PCDH15: variants seen among roughly 807,000 people sequenced by gnomAD.
PCDH15 encodes the protein protocadherin-15.
A neutral mutation model predicts 178.5 loss-of-function variants in PCDH15; 129 were observed. That is an observed-to-expected ratio of 0.72 (90% CI 0.63 to 0.84). PCDH15 has a LOEUF of 0.84. Among genes scored for constraint, PCDH15 ranks in the 40% least tolerant of loss-of-function variants. The pLI, the probability that PCDH15 is intolerant of heterozygous loss-of-function variation, is 0.00. For synonymous variants in PCDH15, 800 were observed against 732.0 expected, an observed-to-expected ratio of 1.09 and a Z score of -1.50; for missense variants, 2,230 against 2,099.9, an observed-to-expected ratio of 1.06 and a Z score of -1.21.
chr10:55,435,662 A>G (rs1839021004), intron 2 of PCDH15, among the ~76,000 whole-genome samples: 1 of 152,166 alleles, frequency 6.6e-6, no homozygotes, highest in Non-Finnish European at 1.5e-5. Flanking sequence ...ATGGGAAAAA[A>G]AGTGGAAAAC....
At chr10:54,423,173 AT>A (rs1955772897) in intron 3 of PCDH15, among the ~76,000 whole-genome samples, 2 of 152,140 alleles carry the variant, frequency 1.3e-5, no homozygotes, top group Admixed American at 1.3e-4. Flanking sequence ...ACCAGGCCAT[AT>A]TTACAGTCAG....
At position 54,651,555 on chromosome 10, in the gene PCDH15, A is replaced by G. The variant is rs568647508; in HGVS notation, c.91+12617T>C. Among the ~76,000 whole-genome samples, 11 of 152,308 alleles carry G rather than the reference A, an allele frequency of 7.2e-5. No individual in the cohort carries two copies. The South Asian group carries it at 8.3e-4, about 11-fold the overall frequency. On this transcript the variant is annotated intron_variant, in intron 2 of 37. Coordinates refer to ENST00000644397, the MANE Select transcript of PCDH15 (RefSeq NM_001384140.1). Reference sequence around the variant, plus strand: ...CTTTAAATCCATGGGGGAATGTATTATCTCACTTTCATGGTGCACATCTAT... The same window carrying G: ...CTTTAAATCCATGGGGGAATGTATTGTCTCACTTTCATGGTGCACATCTAT...
chr10:54,782,774 T>G (rs1448315057), intron 1 of PCDH15, among the ~76,000 whole-genome samples: 1 of 152,034 alleles, frequency 6.6e-6, no homozygotes, highest in Non-Finnish European at 1.5e-5. Flanking sequence ...ACAGGAGAGC[T>G]GGCCAGCCCA....
intron 6 of PCDH15, among the ~76,000 whole-genome samples, chr10:54,333,071 T>C (rs554579327): frequency 4.6e-5 from 7 of 152,024 alleles, no homozygotes; most frequent in South Asian, 4.1e-4. Flanking sequence ...AGCCTCTGAG[T>C]AGATAGGACT....
intron 3 of PCDH15, among the ~76,000 whole-genome samples, chr10:54,865,088 C>G (rs907813366): frequency 6.6e-6 from 1 of 152,032 alleles, no homozygotes; most frequent in Non-Finnish European, 1.5e-5. Context: ...ACCTAGATAG[C>G]TGGTAAAGTA....
rs796554869 is a variant in PCDH15, at chr10:54,923,910, C to T, written c.-79-26410G>A. ...CCATTACCCAGTTCAAAAGATGCTTCCACATTTTCAGGTATCTTTATAACA... is the reference window on the plus strand; with the variant it reads ...CCATTACCCAGTTCAAAAGATGCTTTCACATTTTCAGGTATCTTTATAACA... On this transcript the variant is annotated intron_variant, in intron 2 of 5. Transcript: ENST00000458638. Among the ~76,000 whole-genome samples the T allele has an allele frequency of 2.1e-4, 29 of 138,068 alleles. 1 individual carries two copies. The highest frequency in any genetic ancestry group is 7.2e-4 in the African/African-American group (29 of 40,000). 90.6% of individuals were successfully genotyped at this position (138,068 alleles called of 152,430 possible). A position where few individuals can be genotyped will look rare whatever the true frequency, so the allele number is the denominator to read the frequency against.
chr10:53,988,852 G>A (rs2095112051), intron 21 of PCDH15, among the ~76,000 whole-genome samples: 1 of 152,050 alleles, frequency 6.6e-6, no homozygotes, highest in South Asian at 2.1e-4. Flanking sequence ...GTGAATTATT[G>A]ATACTGTTAA....
intron 30 of PCDH15, 174 bp downstream of exon 30, chr10:53,831,141 T>C: frequency 1.3e-6 from 1 of 780,640 alleles, no homozygotes; most frequent in Non-Finnish European, 2.3e-6. Flanking sequence ...TACTGGGAGT[T>C]TGTACTGTTT....
chr10:54,731,545 G>GATATATATATATATATATATAT lies in PCDH15; in HGVS notation c.-28-67256_-28-67255insATATATATATATATATATATAT, dbSNP rs1167781763. Among the ~76,000 whole-genome samples the GATATATATATATATATATATAT allele has an allele frequency of 2.3e-3, 181 of 80,216 alleles. 1 individual carries two copies. The highest frequency in any genetic ancestry group is 6.7e-3 in the African/African-American group (141 of 21,196). The allele number at this position is 80,216 out of a possible 152,430, so 52.6% of individuals were successfully genotyped here. A position where few individuals can be genotyped will look rare whatever the true frequency, so the allele number is the denominator to read the frequency against. On this transcript the variant is annotated intron_variant, in intron 1 of 37. Coordinates refer to ENST00000644397, the MANE Select transcript of PCDH15 (RefSeq NM_001384140.1). Reference sequence around the variant, plus strand: ...CAATGAATAAAGAAAATGTGAGATAGATATATATATATATATATACACACA... The same window carrying GATATATATATATATATATATAT: ...CAATGAATAAAGAAAATGTGAGATAGATATATATATATATATATATATATATATATATATATATATACACACA...
At chr10:53,886,862 A>T (rs1217394432) in intron 26 of PCDH15, among the ~76,000 whole-genome samples, 1 of 152,092 alleles carries the variant, frequency 6.6e-6, no homozygotes, top group Non-Finnish European at 1.5e-5. Context: ...AAATCCCTCC[A>T]ACTGCCTTTT....
chr10:55,423,315 T>C (rs1349532662), intron 2 of PCDH15, among the ~76,000 whole-genome samples: 10 of 152,014 alleles, frequency 6.6e-5, no homozygotes, highest in Admixed American at 1.3e-4. Context: ...CGAAGTAGGA[T>C]GCACTGTAGG....
chr10:55,408,336 C>T (rs1455370019), intron 2 of PCDH15, among the ~76,000 whole-genome samples: 1 of 151,924 alleles, frequency 6.6e-6, no homozygotes, highest in East Asian at 1.9e-4. Flanking sequence ...CAGGCACCTG[C>T]CACCACGCCC....
At chr10:54,979,679 A>C (rs1839173331) in intron 2 of PCDH15, among the ~76,000 whole-genome samples, 1 of 151,832 alleles carries the variant, frequency 6.6e-6, no homozygotes, top group South Asian at 2.1e-4. Flanking sequence ...AAAAAAAAAA[A>C]AAAAAAACCA....
At chr10:54,739,055 C>T (rs537776431) in intron 1 of PCDH15, among the ~76,000 whole-genome samples, 32 of 151,876 alleles carry the variant, frequency 2.1e-4, no homozygotes, top group Admixed American at 6.6e-4. Flanking sequence ...ATTGGAAGTT[C>T]TAGACAGAGG....
At chr10:54,963,171 A>C (rs1337259889) in intron 2 of PCDH15, among the ~76,000 whole-genome samples, 3 of 152,218 alleles carry the variant, frequency 2.0e-5, no homozygotes, top group African/African-American at 7.2e-5. Flanking sequence ...GGTGAGTCCC[A>C]TGGCCCAGTA....
At chr10:54,004,951 TAAA>T (rs55808499) in intron 20 of PCDH15, among the ~76,000 whole-genome samples, 5 of 146,126 alleles carry the variant, frequency 3.4e-5, no homozygotes, top group South Asian at 2.1e-4. Context: ...GGTACTGGCA[TAAA>T]AAAAAAAAAC....
At chr10:55,043,327 T>C (rs756737232) in intron 2 of PCDH15, among the ~76,000 whole-genome samples, 2 of 152,128 alleles carry the variant, frequency 1.3e-5, no homozygotes, top group African/African-American at 2.4e-5. Context: ...TGCAGGATTA[T>C]ATCTGGATGC....
At chr10:54,001,922 T>C (rs2092156032) in intron 20 of PCDH15, among the ~76,000 whole-genome samples, 1 of 151,714 alleles carries the variant, frequency 6.6e-6, no homozygotes, top group East Asian at 1.9e-4. Flanking sequence ...AGCAGGAATA[T>C]CTGCAATTAC....
At chr10:54,344,580 T>C (rs1339676268) in intron 6 of PCDH15, among the ~76,000 whole-genome samples, 1 of 152,186 alleles carries the variant, frequency 6.6e-6, no homozygotes, top group African/African-American at 2.4e-5. Flanking sequence ...GTTTTATTTT[T>C]ACACCTTGGG....
Sources: allele counts gnomAD v4.1 joint callset (sites outside exome capture counted in the v4.1 genomes callset), GRCh38; gene constraint gnomAD v4.1.1; transcripts MANE v1.5; gene names NCBI Gene and HGNC (gene_info 2026-07-23, HGNC 2026-07-21).